Variants in YES1 observed in about 807,000 individuals in gnomAD.
The protein encoded by YES1 is YES proto-oncogene 1, Src family tyrosine kinase, also known as tyrosine-protein kinase Yes.
In YES1, 39 loss-of-function variants were observed where a neutral mutation model predicts 70.4. The ratio of observed to expected loss-of-function variants is 0.55; its 90% CI spans 0.43 to 0.72. The LOEUF (loss-of-function observed/expected upper bound fraction) is 0.72. Ranked by LOEUF, YES1 falls within the 30% of genes least tolerant of loss-of-function variation. The pLI is 0.00. For synonymous variants in YES1, 198 were observed against 218.6 expected, an observed-to-expected ratio of 0.91 and a Z score of 0.83; for missense variants, 495 against 644.8, an observed-to-expected ratio of 0.77 and a Z score of 2.52.
intron 1 of YES1, among the ~76,000 whole-genome samples, chr18:773,956 C>A (rs1181078204): frequency 6.6e-6 from 1 of 151,932 alleles, no homozygotes; most frequent in South Asian, 2.1e-4. Context: ...CTCAGCCTCC[C>A]GAGTAGCTGG....
chr18:804,272 C>A (rs531557228), intron 1 of YES1, among the ~76,000 whole-genome samples: 1 of 152,288 alleles, frequency 6.6e-6, no homozygotes, highest in South Asian at 2.1e-4. Flanking sequence ...TCATAACTAT[C>A]CACTTCAACA....
intron 2 of YES1, among the ~76,000 whole-genome samples, chr18:756,065 A>G (rs1365178724): frequency 6.6e-6 from 1 of 152,146 alleles, no homozygotes; most frequent in Non-Finnish European, 1.5e-5. Flanking sequence ...TTGGGGGAAA[A>G]TTTTAAACTG....
intron 8 of YES1, 71 bp from the exon 9 acceptor site, chr18:739,882 C>T (rs1418230554): frequency 4.5e-6 from 5 of 1,121,874 alleles, no homozygotes; most frequent in East Asian, 2.5e-5. Flanking sequence ...AATACTCCTC[C>T]ACCCCAAATC....
At chr18:789,106 A>T (rs1285814280) in intron 1 of YES1, among the ~76,000 whole-genome samples, 1 of 152,216 alleles carries the variant, frequency 6.6e-6, no homozygotes, top group African/African-American at 2.4e-5. Flanking sequence ...TTCTGATTGG[A>T]AACAATTTTC....
chr18:757,278 C>A (rs192209586), intron 1 of YES1, among the ~76,000 whole-genome samples: 4 of 151,804 alleles, frequency 2.6e-5, no homozygotes, highest in East Asian at 1.9e-4. Flanking sequence ...CCAAGGCGGG[C>A]GGATCACGAG....
chr18:732,305 T>G (rs2080099741), intron 11 of YES1, among the ~76,000 whole-genome samples: 1 of 151,048 alleles, frequency 6.6e-6, no homozygotes, highest in Non-Finnish European at 1.5e-5. Flanking sequence ...CTGGGTGTGG[T>G]GGTGGGTGCC....
rs2079970719 is a variant in YES1 at position 722,870 on chromosome 18, A to T, written c.*1554T>A. 6.6e-6 allele frequency: 1 copy of T among 152,218 alleles called. No homozygotes were observed. The highest frequency in any genetic ancestry group is 1.5e-5 in the Non-Finnish European group (1 of 68,050). The allele number at this position is 152,218 out of a possible 1,614,324, so 9.4% of individuals were successfully genotyped here. ...CACTTTGGGAGGCCGAGGCGGGCAG[A>T]TCACAAGGTCAGGAGATCGAGACTA... On this transcript the variant is annotated 3_prime_UTR_variant, in exon 12 of 12. Coordinates refer to ENST00000314574, the MANE Select transcript of YES1 (RefSeq NM_005433.4).
chr18:735,161 C>CAAAAAAAAAAAAAAAAAAAAAAAAA (rs71174281), intron 10 of YES1, among the ~76,000 whole-genome samples: 31 of 110,554 alleles, frequency 2.8e-4, no homozygotes, highest in East Asian at 6.7e-4. Flanking sequence ...TGTCTCAAAG[C>CAAAAAAAAAAAAAAAAAAAAAAAAA]AAAAAAAAAA....
rs2080412645 is a variant in YES1 at position 756,746 on chromosome 18, T to C, written c.82A>G (p.Ser28Gly). 1 of 1,614,226 alleles carries C rather than the reference T, an allele frequency of 6.2e-7. No individual in the cohort carries two copies. Among genetic ancestry groups the C allele is most frequent in the Non-Finnish European group, 8.5e-7 (1 of 1,180,032 alleles). The change falls in exon 2 of 12, where the codon AGT (serine) becomes GGT (glycine). Residue 28 changes from serine (S) to glycine (G), a missense_variant. Ser to Gly is a moderately conservative substitution (Grantham distance 56, BLOSUM62 0). Coordinates refer to ENST00000314574, the MANE Select transcript of YES1 (RefSeq NM_005433.4). ...GGTTCTGCTCCATAATGGCTCACACTTGTACTGACAGGCTCTGGAGTATTT... is the reference window on the plus strand; with the variant it reads ...GGTTCTGCTCCATAATGGCTCACACCTGTACTGACAGGCTCTGGAGTATTT... ...PENTPEPVST[S>G]VSHYGAEPTT...
intron 1 of YES1, among the ~76,000 whole-genome samples, chr18:784,674 C>T (rs1299618170): frequency 6.6e-6 from 1 of 152,206 alleles, no homozygotes; most frequent in African/African-American, 2.4e-5. Context: ...CTCACAGACT[C>T]CTTCCACCTT....
intron 3 of YES1, among the ~76,000 whole-genome samples, chr18:748,646 G>A (rs1173339993): frequency 6.6e-6 from 1 of 151,896 alleles, no homozygotes; most frequent in Non-Finnish European, 1.5e-5. Flanking sequence ...GCATTTATGT[G>A]GTCTTTTGTA....
At chr18:746,631 C>A (rs1256491364) in intron 4 of YES1, among the ~76,000 whole-genome samples, 1 of 152,166 alleles carries the variant, frequency 6.6e-6, no homozygotes, top group Non-Finnish European at 1.5e-5. Flanking sequence ...CATTACAAAT[C>A]ATTAATAAAA....
chr18:723,658 T>TA lies in YES1; in HGVS notation c.*765dup, dbSNP rs373162455. The TA allele has an allele frequency of 2.0e-5, 3 of 152,652 alleles. No individual in the cohort carries two copies. The highest frequency in any genetic ancestry group is 4.4e-5 in the Non-Finnish European group (3 of 68,032). The allele number at this position is 152,652 out of a possible 1,614,324, so 9.5% of individuals were successfully genotyped here. On this transcript the variant is annotated 3_prime_UTR_variant, in exon 12 of 12. Transcript: ENST00000314574. ...CAGTAGTTTCAATTATATATTGCCT[T>TA]AAAAAATCAATGCAACCTCATACAA...
intron 11 of YES1, among the ~76,000 whole-genome samples, chr18:731,910 T>C (rs2145675413): frequency 7.5e-6 from 1 of 132,676 alleles, no homozygotes; most frequent in East Asian, 2.2e-4. Context: ...GAGGCTGCAG[T>C]GAGCTGAGAT....
Position 756,706 on chromosome 18 carries a change from G to A in YES1, c.122C>T (p.Pro41Leu), listed in dbSNP as rs2080411765. Residue 41 changes from proline to leucine, a missense_variant, in exon 2 of 12, where the codon CCA (proline) becomes CTA (leucine). Physicochemically the swap from Pro to Leu is moderately conservative, Grantham distance 98. Coordinates refer to ENST00000314574, the MANE Select transcript of YES1 (RefSeq NM_005433.4). Reference protein sequence around the residue: ...HYGAEPTTVSPCPSSSAKGTA... With the variant: ...HYGAEPTTVSLCPSSSAKGTA... Reference sequence around the variant, plus strand: ...TCCCTTTGCTGAAGATGACGGACATGGTGACACTGTAGTGGGTTCTGCTCC... The same window carrying A: ...TCCCTTTGCTGAAGATGACGGACATAGTGACACTGTAGTGGGTTCTGCTCC... 6.2e-7 allele frequency: 1 copy of A among 1,614,058 alleles called. No individual in the cohort carries two copies. The highest frequency in any genetic ancestry group is 1.3e-5 in the African/African-American group (1 of 74,920).
rs374164158 is a variant in YES1 at position 792,527 on chromosome 18, A to ATCTCTCTCTC, written c.-9+19577_-9+19586dup. ...AGCCTCAGAAACACACTGAGACTCC[A>ATCTCTCTCTC]TCTCTCTCTCTCTCTCTCTCTCTCT... On this transcript the variant is annotated intron_variant, in intron 1 of 11. Transcript: ENST00000314574. Among the ~76,000 whole-genome samples the ATCTCTCTCTC allele has an allele frequency of 6.1e-3, 705 of 115,334 alleles. 7 individuals carry two copies. The highest frequency in any genetic ancestry group is 0.021 in the East Asian group (92 of 4,382). 75.7% of individuals were successfully genotyped at this position (115,334 alleles called of 152,430 possible). A position where few individuals can be genotyped will look rare whatever the true frequency, so the allele number is the denominator to read the frequency against.
chr18:741,751 A>AT (rs1301643362), intron 8 of YES1, among the ~76,000 whole-genome samples: 1 of 152,156 alleles, frequency 6.6e-6, no homozygotes, highest in East Asian at 1.9e-4. Flanking sequence ...CTGCAGAGAA[A>AT]TGTGACTGCA....
Position 756,817 on chromosome 18 carries a change from A to G in YES1, c.11T>C (p.Ile4Thr). 1.2e-6 allele frequency: 2 copies of G among 1,613,492 alleles called. No individual in the cohort carries two copies. The change falls in exon 2 of 12, where the codon ATT becomes ACT. Residue 4 changes from isoleucine (I) to threonine (T), a missense_variant. Physicochemically the swap from Ile to Thr is moderately conservative, Grantham distance 89. Transcript: ENST00000314574. ...TGGACTTTTGTTTTCTTTACTTTTA[A>G]TGCAGCCCATTATCAAATCTACAGA... MGCIKSKENKSPAI... is the reference protein window; with the variant it reads MGCTKSKENKSPAI...
intron 9 of YES1, chr18:738,101 C>G (rs1025518229): frequency 6.6e-6 from 1 of 151,226 alleles, no homozygotes; most frequent in African/African-American, 2.4e-5. Flanking sequence ...CATAGAGTGT[C>G]TAACTCAGAA....
Sources: allele counts gnomAD v4.1 joint callset (sites outside exome capture counted in the v4.1 genomes callset), GRCh38; gene constraint gnomAD v4.1.1; transcripts MANE v1.5; gene names NCBI Gene and HGNC (gene_info 2026-07-23, HGNC 2026-07-21).